Variants in LRRC49 observed in about 807,000 individuals in gnomAD.
The protein encoded by LRRC49 is leucine-rich repeat-containing protein 49.
In LRRC49, 50 loss-of-function variants were observed where a neutral mutation model predicts 83.3. The ratio of observed to expected loss-of-function variants is 0.60; its 90% CI spans 0.48 to 0.76. The LOEUF (loss-of-function observed/expected upper bound fraction) is 0.76. Among genes scored for constraint, LRRC49 ranks in the 30% least tolerant of loss-of-function variants. LRRC49 has a pLI of 0.00. For missense variants in LRRC49, 704 were observed against 809.1 expected (o/e 0.87, Z 1.58); for synonymous variants, 286 against 283.3 (o/e 1.01, Z -0.10).
chr15:70,878,924 C>T (rs563449400), intron 2 of LRRC49, among the ~76,000 whole-genome samples: 97 of 152,266 alleles, frequency 6.4e-4, no homozygotes, highest in Middle Eastern at 6.8e-3. Flanking sequence ...CTTGCAATGT[C>T]TTTGCCTAGT....
intron 3 of LRRC49, chr15:70,900,267 G>GTGTCATATACTT (rs1316547849): frequency 1.2e-5 from 4 of 345,332 alleles, no homozygotes; most frequent in Middle Eastern, 1.0e-3. Context: ...CCTTAGAGGG[G>GTGTCATATACTT]TGTCATATAC....
chr15:70,858,917 C>T, intron 1 of LRRC49: 1 of 778,742 alleles, frequency 1.3e-6, no homozygotes, highest in Non-Finnish European at 2.3e-6. Flanking sequence ...CTGTCACGGT[C>T]AACCAGAGCC....
chr15:71,007,705 GCATGTATA>G (rs2038503556), intron 11 of LRRC49, among the ~76,000 whole-genome samples: 1 of 41,366 alleles, frequency 2.4e-5, no homozygotes, highest in Non-Finnish European at 4.6e-5. Flanking sequence ...AGTATGAGAA[GCATGTATA>G]TATATATATA....
intron 11 of LRRC49, among the ~76,000 whole-genome samples, chr15:70,995,752 C>T (rs2038054108): frequency 6.6e-6 from 1 of 152,066 alleles, no homozygotes; most frequent in Admixed American, 6.5e-5. Context: ...ATTTTATGAC[C>T]CTCTAAAATA....
chr15:71,052,657 T>G lies in LRRC49; in HGVS notation c.*3045T>G, dbSNP rs1462725775. 6.6e-6 allele frequency: 1 copy of G among 152,248 alleles called. No individual in the cohort carries two copies. 9.4% of individuals were successfully genotyped at this position (152,248 alleles called of 1,614,324 possible). On this transcript the variant is annotated 3_prime_UTR_variant, in exon 16 of 16. Coordinates refer to ENST00000260382, the MANE Select transcript of LRRC49 (RefSeq NM_017691.5). ...TTCATTGAGCAATGTCTTGCACTATTATAAGCTCTTTGTATACATTCTCAT... is the reference window on the plus strand; with the variant it reads ...TTCATTGAGCAATGTCTTGCACTATGATAAGCTCTTTGTATACATTCTCAT...
intron 8 of LRRC49, among the ~76,000 whole-genome samples, chr15:70,954,301 T>G (rs771847548): frequency 6.6e-6 from 1 of 152,244 alleles, no homozygotes; most frequent in Non-Finnish European, 1.5e-5. Flanking sequence ...GTTTGGTCTT[T>G]TTTTAAATGG....
chr15:70,891,992 G>A (rs2033596036), upstream of LRRC49: 1 of 1,613,152 alleles, frequency 6.2e-7, no homozygotes, highest in East Asian at 2.2e-5. Context: ...AGGTGCCGGG[G>A]CGGGCACCCG....
At position 70,980,184 on chromosome 15, in the gene LRRC49, G is replaced by C. The variant is rs748829642; in HGVS notation, c.1005G>C (p.Lys335Asn). 1 of 1,609,590 alleles carries C rather than the reference G, an allele frequency of 6.2e-7. No individual in the cohort carries two copies. Among genetic ancestry groups the C allele is most frequent in the South Asian group, 1.1e-5 (1 of 90,654 alleles). The change falls in exon 10 of 16, where the codon AAG becomes AAC. Residue 335 changes from lysine (K) to asparagine (N), a missense_variant and splice_region_variant. Lys to Asn is a moderately conservative substitution (Grantham distance 94, BLOSUM62 0). This residue lies in a region of LRRC49 where 168 missense variants were observed against 140.6 expected (regional missense o/e 1.20). Coordinates refer to ENST00000260382, the MANE Select transcript of LRRC49 (RefSeq NM_017691.5). ...AAAGTCATAAACAATCTTTGCTTAA[G>C]GTATTTTCTCTGATGTCTACATGGA... ...KRESHKQSLL[K>N]EKKRLTINNV...
At chr15:70,882,581 C>T (rs2033290525) in intron 2 of LRRC49, 1 of 1,613,576 alleles carries the variant, frequency 6.2e-7, no homozygotes, top group Admixed American at 1.7e-5. Context: ...AGTTCTAGAC[C>T]ACAATTCCTC....
rs571541158 is a variant in LRRC49, at chr15:70,929,955, C to G, written c.712-6806C>G. On this transcript the variant is annotated intron_variant, in intron 7 of 15. Transcript: ENST00000260382. ...CTGCAGTTCCTTCCTTCACTGAAGT[C>G]TTGAACCCCTCAAAGTCATCCATGA... 2.6e-5 allele frequency among the ~76,000 whole-genome samples: 4 copies of G among 152,286 alleles called. 1 individual carries two copies. In the South Asian group the frequency reaches 8.3e-4, roughly 32 times the overall value.
At chr15:70,926,152 G>A (rs2035187332) in intron 7 of LRRC49, among the ~76,000 whole-genome samples, 1 of 152,102 alleles carries the variant, frequency 6.6e-6, no homozygotes, top group South Asian at 2.1e-4. Flanking sequence ...CATACAATTT[G>A]CTTATTCATT....
At chr15:70,938,851 G>A (rs2035697928) in intron 8 of LRRC49, among the ~76,000 whole-genome samples, 2 of 152,116 alleles carry the variant, frequency 1.3e-5, no homozygotes, top group African/African-American at 2.4e-5. Context: ...CCAGTGGTCT[G>A]TGTTATTCAA....
chr15:70,896,882 C>G lies in LRRC49; in HGVS notation c.193+946C>G, dbSNP rs572732725. On this transcript the variant is annotated intron_variant, in intron 3 of 15. Coordinates refer to ENST00000260382, the MANE Select transcript of LRRC49 (RefSeq NM_017691.5). The stretch of plus-strand genomic sequence containing the variant: ...TTTTCTCTTTCCTACATTCTACACT[C>G]TTGTCTTGGCCAATTGCTGGACATG... Among the ~76,000 whole-genome samples, 3 of 152,292 alleles carry G rather than the reference C, an allele frequency of 2.0e-5. No homozygotes were observed. The South Asian group carries it at 6.2e-4, about 32-fold the overall frequency.
chr15:71,003,928 A>T (rs1047799539), intron 11 of LRRC49, among the ~76,000 whole-genome samples: 1 of 152,098 alleles, frequency 6.6e-6, no homozygotes, highest in African/African-American at 2.4e-5. Flanking sequence ...CATCCCCTAC[A>T]TTCAGCCTCT....
chr15:70,863,406 G>A (rs1264924290), intron 1 of LRRC49, among the ~76,000 whole-genome samples: 1 of 152,212 alleles, frequency 6.6e-6, no homozygotes, highest in East Asian at 1.9e-4. Context: ...ACCATTCAAG[G>A]ATATGAGAGC....
chr15:70,921,867 C>G (rs180750230), intron 7 of LRRC49, among the ~76,000 whole-genome samples: 1 of 152,238 alleles, frequency 6.6e-6, no homozygotes, highest in Non-Finnish European at 1.5e-5. Flanking sequence ...TGAACAGACA[C>G]CTTCTCTGAT....
chr15:70,941,531 G>A (rs2035815185), intron 8 of LRRC49, among the ~76,000 whole-genome samples: 1 of 151,484 alleles, frequency 6.6e-6, no homozygotes, highest in Non-Finnish European at 1.5e-5. Flanking sequence ...AAAAGAAAAG[G>A]GGGCCAATGT....
intron 2 of LRRC49, chr15:70,873,358 G>C: frequency 2.0e-6 from 2 of 1,004,454 alleles, no homozygotes; most frequent in Non-Finnish European, 3.0e-6. Context: ...TGAGGGTCAT[G>C]GTGAGGAGGG....
intron 14 of LRRC49, among the ~76,000 whole-genome samples, chr15:71,013,391 A>G (rs908205189): frequency 6.6e-6 from 1 of 152,228 alleles, no homozygotes; most frequent in South Asian, 2.1e-4. Context: ...TTGTGGTCTG[A>G]CTTTGAAGAG....
Sources: allele counts gnomAD v4.1 joint callset (sites outside exome capture counted in the v4.1 genomes callset), GRCh38; gene constraint gnomAD v4.1.1; regional missense constraint gnomAD v4.1.1; transcripts MANE v1.5; gene names NCBI Gene and HGNC (gene_info 2026-07-23, HGNC 2026-07-21).